The following RELN variants were observed in gnomAD, a reference collection of about 807,000 sequenced individuals.
RELN encodes reelin.
A neutral mutation model predicts 427.6 loss-of-function variants in RELN; 108 were observed. The ratio of observed to expected loss-of-function variants is 0.25; its 90% CI spans 0.22 to 0.30. The LOEUF is 0.30. Among genes scored for constraint, RELN ranks in the 10% least tolerant of loss-of-function variants. The probability of loss-of-function intolerance (pLI) is 1.00; values close to 1 mark genes in which losing one functional copy is unlikely to be tolerated. For synonymous variants in RELN, 1,524 were observed against 1,513.4 expected (o/e 1.01, Z -0.16); for missense variants, 3,715 against 4,302.8 (o/e 0.86, Z 3.82).
At position 103,751,569 on chromosome 7, in the gene RELN, T is replaced by A. The variant is rs77474144; in HGVS notation, c.577+1613A>T. 4.4e-3 allele frequency among the ~76,000 whole-genome samples: 668 copies of A among 152,310 alleles called. 6 individuals are homozygous for A. Among genetic ancestry groups the A allele is most frequent in the African/African-American group, 0.015 (629 of 41,574 alleles). Reference sequence around the variant, plus strand: ...GATGTATTCTGTGCATGGGAGTGATTTAATGATTCCTCTGAGCGATGAGAT... The same window carrying A: ...GATGTATTCTGTGCATGGGAGTGATATAATGATTCCTCTGAGCGATGAGAT... On this transcript the variant is annotated intron_variant, in intron 5 of 64. Transcript: ENST00000428762.
At chr7:103,735,461 C>T (rs1368095500) in intron 6 of RELN, among the ~76,000 whole-genome samples, 1 of 151,976 alleles carries the variant, frequency 6.6e-6, no homozygotes, top group Non-Finnish European at 1.5e-5. Flanking sequence ...AGTCTGGGGT[C>T]CCCACATAGC....
chr7:103,838,465 T>C (rs1350440607), intron 2 of RELN, among the ~76,000 whole-genome samples: 1 of 152,142 alleles, frequency 6.6e-6, no homozygotes, highest in Non-Finnish European at 1.5e-5. Flanking sequence ...ACTCTACATT[T>C]TTAAGCTGAA....
rs75878120 is a variant in RELN at position 103,491,858 on chromosome 7, A to T, written c.9443+95T>A. On this transcript the variant is annotated intron_variant, in intron 58 of 64. Transcript: ENST00000428762. Reference sequence around the variant, plus strand: ...CTCTCTCTCTCTCTCTCTCTCTCTCACACACACACACACACACACACACAC... The same window carrying T: ...CTCTCTCTCTCTCTCTCTCTCTCTCTCACACACACACACACACACACACAC... The T allele has an allele frequency of 0.039, 7,428 of 190,662 alleles. 73 individuals are homozygous for T. Among genetic ancestry groups the T allele is most frequent in the African/African-American group, 0.065 (1,348 of 20,778 alleles). 11.8% of individuals were successfully genotyped at this position (190,662 alleles called of 1,614,324 possible).
At chr7:103,717,151 A>G (rs1370973237) in intron 8 of RELN, among the ~76,000 whole-genome samples, 1 of 152,074 alleles carries the variant, frequency 6.6e-6, no homozygotes, top group Non-Finnish European at 1.5e-5. Flanking sequence ...ATAATTAAAA[A>G]ACACTTATAA....
At chr7:103,777,533 T>C (rs1052551322) in intron 3 of RELN, among the ~76,000 whole-genome samples, 2 of 152,172 alleles carry the variant, frequency 1.3e-5, no homozygotes, top group African/African-American at 2.4e-5. Flanking sequence ...CTGCTGAAGA[T>C]GGATTATGTA....
chr7:103,871,393 C>A lies in RELN; in HGVS notation c.338-37721G>T, dbSNP rs188113942. Reference sequence around the variant, plus strand: ...TAGCAACCAAATTTATATTTTACTACTTATCATACTGTTTTCAGTAATATA... The same window carrying A: ...TAGCAACCAAATTTATATTTTACTAATTATCATACTGTTTTCAGTAATATA... On this transcript the variant is annotated intron_variant, in intron 2 of 64. Coordinates refer to ENST00000428762, the MANE Select transcript of RELN (RefSeq NM_005045.4). Among the ~76,000 whole-genome samples, 333 of 152,236 alleles carry A rather than the reference C, an allele frequency of 2.2e-3. 1 individual carries two copies. Among genetic ancestry groups the A allele is most frequent in the African/African-American group, 7.7e-3 (319 of 41,556 alleles).
At position 103,497,826 on chromosome 7, in the gene RELN, C is replaced by T. The variant is rs148509350; in HGVS notation, c.8944G>A (p.Asp2982Asn). 5.7e-4 allele frequency: 917 copies of T among 1,613,916 alleles called. 14 individuals carry two copies. In the Admixed American group the frequency reaches 0.015, roughly 26 times the overall value. ...TTTCACCCCTGACACATGCCTCCAT[C>T]GGTAGAGTAGTCCAACAGCACGCCT... Reference protein sequence around the residue: ...KEGVLLDYSTDGGITWTLLHE... With the variant: ...KEGVLLDYSTNGGITWTLLHE... Residue 2982 changes from aspartate (D) to asparagine (N), a missense_variant, in exon 55 of 65, where the codon GAT (aspartate) becomes AAT (asparagine). Physicochemically the swap from Asp to Asn is conservative, Grantham distance 23. Around this residue, in one of 4 missense-constraint regions of RELN, gnomAD observed 1,310 missense variants for 1,643.0 expected, o/e 0.80. Coordinates refer to ENST00000428762, the MANE Select transcript of RELN (RefSeq NM_005045.4).
intron 8 of RELN, among the ~76,000 whole-genome samples, chr7:103,712,514 AG>A (rs2115854394): frequency 6.6e-6 from 1 of 152,362 alleles, no homozygotes; most frequent in East Asian, 1.9e-4. Context: ...ATTAACTTAT[AG>A]ATTTCCAAAA....
chr7:103,532,863 C>G (rs907257453), intron 46 of RELN, among the ~76,000 whole-genome samples: 2 of 152,188 alleles, frequency 1.3e-5, no homozygotes, highest in African/African-American at 2.4e-5. Context: ...TGTTCTCCAT[C>G]ACTTATCACA....
chr7:103,608,938 T>G (rs1377679178), intron 22 of RELN, among the ~76,000 whole-genome samples: 1 of 152,098 alleles, frequency 6.6e-6, no homozygotes, highest in Non-Finnish European at 1.5e-5. Context: ...AAATATACTA[T>G]TAGGCTAGGC....
At position 103,589,703 on chromosome 7, in the gene RELN, T is replaced by C. The variant is rs766230596; in HGVS notation, c.4038A>G (p.Gly1346=). 2.5e-6 allele frequency: 4 copies of C among 1,614,096 alleles called. No individual in the cohort carries two copies. In the South Asian group the frequency reaches 4.4e-5, roughly 18 times the overall value. The part of the protein sequence containing the change: ...EGCYPASAGK[G]CEGNSRELSE... ...TTAGTTCTCTGGAGTTTCCTTCGCATCCTTTGCCTGCAGAAGCCGGGTAAC... is the reference window on the plus strand; with the variant it reads ...TTAGTTCTCTGGAGTTTCCTTCGCACCCTTTGCCTGCAGAAGCCGGGTAAC... Residue 1346 remains glycine, a synonymous_variant, in exon 28 of 65, where the codon GGA becomes GGG. Coordinates refer to ENST00000428762, the MANE Select transcript of RELN (RefSeq NM_005045.4).
chr7:103,943,880 T>TTAC (rs1796166391), intron 1 of RELN, among the ~76,000 whole-genome samples: 1 of 139,698 alleles, frequency 7.2e-6, no homozygotes, highest in Non-Finnish European at 1.5e-5. Flanking sequence ...GAATTGGAAA[T>TTAC]TACTAGTTTC....
chr7:103,914,375 T>C (rs1795436563), intron 2 of RELN, among the ~76,000 whole-genome samples: 1 of 151,976 alleles, frequency 6.6e-6, no homozygotes. Context: ...CAATGACAAA[T>C]GATAGTTCCT....
intron 1 of RELN, among the ~76,000 whole-genome samples, chr7:103,977,310 C>CAAAAAAAAAAAAAAAAAAA (rs201026012): frequency 7.9e-5 from 7 of 88,278 alleles, no homozygotes; most frequent in African/African-American, 3.6e-4. Flanking sequence ...GACTCTGTCT[C>CAAAAAAAAAAAAAAAAAAA]AAAAAAAAAA....
In RELN at chr7:103,483,795, T is replaced by C. The variant is rs1450247215; in HGVS notation, c.10039A>G (p.Ser3347Gly). 1.1e-5 allele frequency: 17 copies of C among 1,613,974 alleles called. No homozygotes were observed. Among genetic ancestry groups the C allele is most frequent in the Admixed American group, 3.3e-5 (2 of 60,008 alleles). Residue 3347 changes from serine to glycine, a missense_variant, in exon 62 of 65, where the codon AGT (serine) becomes GGT (glycine). By Grantham distance (56) the Ser-to-Gly change is moderately conservative. This residue lies in a region of RELN where 195 missense variants were observed against 281.3 expected (regional missense o/e 0.69). Transcript: ENST00000428762. Reference protein sequence around the residue: ...GSMSQTDSCNSDLSGPHAVDK... With the variant: ...GSMSQTDSCNGDLSGPHAVDK... ...ACAGCGTGGGGGCCACTCAGGTCACTGTTGCAGCTGTCCGTCTGCGACATG... is the reference window on the plus strand; with the variant it reads ...ACAGCGTGGGGGCCACTCAGGTCACCGTTGCAGCTGTCCGTCTGCGACATG...
At chr7:103,870,083 T>C (rs2116521613) in intron 2 of RELN, among the ~76,000 whole-genome samples, 1 of 152,200 alleles carries the variant, frequency 6.6e-6, no homozygotes, top group Non-Finnish European at 1.5e-5. Flanking sequence ...TTCGGTTTGG[T>C]TTTTTTATTA....
chr7:103,843,208 A>G (rs577193043), intron 2 of RELN, among the ~76,000 whole-genome samples: 1 of 147,070 alleles, frequency 6.8e-6, no homozygotes, highest in Non-Finnish European at 1.5e-5. Context: ...GACTCAGGAA[A>G]TTTTTTTTTT....
chr7:103,644,435 C>G (rs1832756219), intron 16 of RELN, among the ~76,000 whole-genome samples: 1 of 145,488 alleles, frequency 6.9e-6, no homozygotes, highest in Non-Finnish European at 1.5e-5. Context: ...AAAACCCAAA[C>G]CCCAAACAAA....
At chr7:103,986,169 T>C (rs1406923283) in intron 1 of RELN, among the ~76,000 whole-genome samples, 2 of 152,164 alleles carry the variant, frequency 1.3e-5, no homozygotes, top group South Asian at 2.1e-4. Context: ...TCATGGTTCA[T>C]TGTGACTAAT....
Sources: gnomAD v4.1 joint callset for allele counts (sites outside exome capture counted in the v4.1 genomes callset) on GRCh38, gnomAD v4.1.1 for gene constraint, gnomAD v4.1.1 regional missense constraint, MANE v1.5 for transcripts, NCBI Gene and HGNC (gene_info 2026-07-23, HGNC 2026-07-21) for gene names.